Variants in ROCK2 observed in about 807,000 individuals in gnomAD.
The protein encoded by ROCK2 is Rho associated coiled-coil containing protein kinase 2, also known as rho-associated protein kinase 2.
A neutral mutation model predicts 195.1 loss-of-function variants in ROCK2; 61 were observed. That is an observed-to-expected ratio of 0.31 (90% confidence interval 0.25 to 0.39). The LOEUF is 0.39. ROCK2 is among the 10% of genes least tolerant of loss of function. The probability of loss-of-function intolerance (pLI) is 1.00; values close to 1 mark genes in which losing one functional copy is unlikely to be tolerated. For missense variants in ROCK2, 1,109 were observed against 1,637.4 expected, an observed-to-expected ratio of 0.68 and a Z score of 5.57; for synonymous variants, 504 against 545.5, an observed-to-expected ratio of 0.92 and a Z score of 1.06.
intron 32 of ROCK2, among the ~76,000 whole-genome samples, chr2:11,188,816 G>A (rs559099751): frequency 6.6e-6 from 1 of 151,784 alleles, no homozygotes; most frequent in East Asian, 2.0e-4. Flanking sequence ...AGTAGAGATG[G>A]GGTTTCACTG....
chr2:11,223,897 T>G (rs1664721588), intron 7 of ROCK2, among the ~76,000 whole-genome samples: 1 of 151,976 alleles, frequency 6.6e-6, no homozygotes, highest in African/African-American at 2.4e-5. Context: ...TTAAAAAGGG[T>G]TGGGAAGGAA....
Position 11,192,607 on chromosome 2 carries a change from G to A in ROCK2, c.3793C>T (p.Pro1265Ser), listed in dbSNP as rs1416879926. The change falls in exon 31 of 33, where the codon CCT becomes TCT. Residue 1265 changes from proline to serine, a missense_variant. By Grantham distance (74) the Pro-to-Ser change is moderately conservative. Around this residue, in one of 6 missense-constraint regions of ROCK2, gnomAD observed 221 missense variants for 355.1 expected, o/e 0.62. Coordinates refer to ENST00000315872, the MANE Select transcript of ROCK2 (RefSeq NM_004850.5). This position sits in a 1 kb window ranked among gnomAD's most constrained non-coding sequence, Gnocchi z 5.0. Reference sequence around the variant, plus strand: ...TTGGTTGGGAAATGATAAAGAGTAGGAATAAACTCATGTCCCTTGTGGCAA... The same window carrying A: ...TTGGTTGGGAAATGATAAAGAGTAGAAATAAACTCATGTCCCTTGTGGCAA... ...YICHKGHEFI[P>S]TLYHFPTNCE... 1.2e-6 allele frequency: 2 copies of A among 1,614,022 alleles called. No homozygotes were observed. The highest frequency in any genetic ancestry group is 1.7e-6 in the Non-Finnish European group (2 of 1,179,980).
Position 11,194,334 on chromosome 2 carries a change from A to T in ROCK2, c.3530T>A (p.Val1177Glu). The T allele has an allele frequency of 7.2e-7, 1 of 1,392,724 alleles. No homozygotes were observed. Among genetic ancestry groups the T allele is most frequent in the Non-Finnish European group, 9.7e-7 (1 of 1,026,798 alleles). 86.3% of individuals were successfully genotyped at this position (1,392,724 alleles called of 1,614,324 possible). ...KFGWVKKYVI[V>E]SSKKILFYDS... ...ATAGAAAAGAATCTTCTTACTGCTT[A>T]CAATCACATACTGTTAAAACAGGGA... Residue 1177 changes from valine to glutamate, a missense_variant, in exon 29 of 33, where the codon GTA becomes GAA. Physicochemically the swap from Val to Glu is moderately radical, Grantham distance 121. Transcript: ENST00000315872.
chr2:11,231,683 G>GC (rs1665016771), intron 5 of ROCK2, among the ~76,000 whole-genome samples: 1 of 149,770 alleles, frequency 6.7e-6, no homozygotes, highest in African/African-American at 2.4e-5. Flanking sequence ...ATTTAGATAA[G>GC]TTTTTTTTTT....
At chr2:11,335,397 T>C (rs1248402473) in intron 1 of ROCK2, among the ~76,000 whole-genome samples, 1 of 152,176 alleles carries the variant, frequency 6.6e-6, no homozygotes, top group Non-Finnish European at 1.5e-5. Flanking sequence ...TGATTTCACA[T>C]CAATTTATTA....
intron 5 of ROCK2, among the ~76,000 whole-genome samples, chr2:11,227,958 T>C (rs1408063350): frequency 6.6e-6 from 1 of 152,200 alleles, no homozygotes; most frequent in Non-Finnish European, 1.5e-5. Context: ...AGCTATATAT[T>C]TAGAAATATG....
At chr2:11,250,930 T>C (rs1665809055) in intron 3 of ROCK2, among the ~76,000 whole-genome samples, 1 of 152,198 alleles carries the variant, frequency 6.6e-6, no homozygotes. Context: ...ACTTCCCATA[T>C]CATCTCTGCA....
chr2:11,264,280 T>C (rs567841674), intron 3 of ROCK2, among the ~76,000 whole-genome samples: 22 of 152,276 alleles, frequency 1.4e-4, no homozygotes, highest in South Asian at 1.0e-3. Context: ...CATACATAAC[T>C]GGATAACGAT....
chr2:11,195,025 T>C lies in ROCK2; in HGVS notation c.3449A>G (p.Glu1150Gly), dbSNP rs1663576460. Reference sequence around the variant, plus strand: ...TGAAAGCCATCCTTCTAATCTTGATTCTACAAATAAGCACAACATGTGAGG... The same window carrying C: ...TGAAAGCCATCCTTCTAATCTTGATCCTACAAATAAGCACAACATGTGAGG... Reference protein sequence around the residue: ...GDAEADDGFPESRLEGWLSLP... With the variant: ...GDAEADDGFPGSRLEGWLSLP... Residue 1150 changes from glutamate (E) to glycine (G), a missense_variant and splice_region_variant, in exon 28 of 33, where the codon GAA (glutamate) becomes GGA (glycine). Glu to Gly is a moderately conservative substitution (Grantham distance 98). Coordinates refer to ENST00000315872, the MANE Select transcript of ROCK2 (RefSeq NM_004850.5). The C allele has an allele frequency of 1.3e-6, 2 of 1,555,514 alleles. No individual in the cohort carries two copies. The highest frequency in any genetic ancestry group is 1.4e-5 in the African/African-American group (1 of 73,334).
At chr2:11,283,890 C>T (rs1667101939) in intron 3 of ROCK2, among the ~76,000 whole-genome samples, 1 of 152,110 alleles carries the variant, frequency 6.6e-6, no homozygotes, top group African/African-American at 2.4e-5. Flanking sequence ...TCCTATGATC[C>T]AGCAATCAAG....
intron 4 of ROCK2, among the ~76,000 whole-genome samples, chr2:11,245,794 T>C (rs1177971231): frequency 1.3e-5 from 2 of 152,298 alleles, no homozygotes; most frequent in Non-Finnish European, 1.5e-5. Flanking sequence ...GTACCACAAT[T>C]TGAGCATCAA....
intron 1 of ROCK2, among the ~76,000 whole-genome samples, chr2:11,317,798 A>G (rs1380834239): frequency 6.7e-6 from 1 of 148,620 alleles, no homozygotes; most frequent in Non-Finnish European, 1.5e-5. Context: ...CCGGTGTGTG[A>G]TGTTCCCCTT....
intron 1 of ROCK2, among the ~76,000 whole-genome samples, chr2:11,291,645 T>A (rs1667366574): frequency 6.6e-6 from 1 of 152,138 alleles, no homozygotes; most frequent in Non-Finnish European, 1.5e-5. Context: ...ACCTGGAAAG[T>A]CTAAATTGAT....
At chr2:11,279,064 C>A (rs563927199) in intron 3 of ROCK2, among the ~76,000 whole-genome samples, 16 of 148,722 alleles carry the variant, frequency 1.1e-4, no homozygotes, top group African/African-American at 3.7e-4. Context: ...AAAATGAAAT[C>A]ACATTAAATG....
rs1204135045 is a variant in ROCK2, at chr2:11,308,838, T to C, written c.142-21102A>G. 2.7e-5 allele frequency: 43 copies of C among 1,611,580 alleles called. No individual in the cohort carries two copies. The East Asian group carries it at 6.0e-4, about 23-fold the overall frequency. On this transcript the variant is annotated intron_variant, in intron 1 of 32. Transcript: ENST00000315872. ...GAAATTAAACTTGGGCCAAATGTAA[T>C]AGAACTATACAAGAAACCCACTGAC...
At chr2:11,312,325 G>T (rs2148232696) in intron 1 of ROCK2, among the ~76,000 whole-genome samples, 1 of 152,134 alleles carries the variant, frequency 6.6e-6, no homozygotes, top group South Asian at 2.1e-4. Context: ...TGTACAATTT[G>T]ATAAGTTTTG....
chr2:11,261,731 C>G (rs956800902), intron 3 of ROCK2, among the ~76,000 whole-genome samples: 1 of 152,108 alleles, frequency 6.6e-6, no homozygotes, highest in African/African-American at 2.4e-5. Context: ...GCAGGAGAAT[C>G]GCTTCAACCC....
In ROCK2 at chr2:11,208,349, G is replaced by C. The variant is rs1664129413; in HGVS notation, c.2302C>G (p.Leu768Val). 4 of 1,520,462 alleles carry C rather than the reference G, an allele frequency of 2.6e-6. No individual in the cohort carries two copies. The highest frequency in any genetic ancestry group is 1.8e-6 in the Non-Finnish European group (2 of 1,122,938). The allele number at this position is 1,520,462 out of a possible 1,614,324, so 94.2% of individuals were successfully genotyped here. Residue 768 changes from leucine (L) to valine (V), a missense_variant, in exon 19 of 33, where the codon CTC becomes GTC. This residue lies in a region of ROCK2 where 542 missense variants were observed against 672.0 expected (regional missense o/e 0.81). Coordinates refer to ENST00000315872, the MANE Select transcript of ROCK2 (RefSeq NM_004850.5). ...TTTATTTTCTGCTGTGACTGTTTGA[G>C]GTCACAGTCTAATAGAGAACATCTT... ...EKRCSLLDCD[L>V]KQSQQKINEL...
chr2:11,201,966 CT>C lies in ROCK2; in HGVS notation c.2619+85del. The C allele has an allele frequency of 7.1e-6, 7 of 986,940 alleles. No homozygotes were observed. Among genetic ancestry groups the C allele is most frequent in the Non-Finnish European group, 8.0e-6 (5 of 621,344 alleles). The allele number at this position is 986,940 out of a possible 1,614,324, so 61.1% of individuals were successfully genotyped here. A position where few individuals can be genotyped will look rare whatever the true frequency, so the allele number is the denominator to read the frequency against. ...ATCTACATTCTTTTGCCCAGCTGCTCTTTTTATATGAGTTGTATGGTATAAA... is the reference window on the plus strand; with the variant it reads ...ATCTACATTCTTTTGCCCAGCTGCTCTTTTATATGAGTTGTATGGTATAAA... On this transcript the variant is annotated intron_variant, in intron 21 of 32. Transcript: ENST00000315872. The surrounding 1 kb of genome is among the most constrained non-coding windows in gnomAD (Gnocchi z 4.6).
Sources: allele counts gnomAD v4.1 joint callset (sites outside exome capture counted in the v4.1 genomes callset), GRCh38; gene constraint gnomAD v4.1.1; regional missense constraint gnomAD v4.1.1; non-coding constraint Gnocchi (gnomAD v3.1); transcripts MANE v1.5; gene names NCBI Gene and HGNC (gene_info 2026-07-23, HGNC 2026-07-21).